Variants in PYGB observed in about 807,000 individuals in gnomAD.
PYGB encodes the protein glycogen phosphorylase, brain form.
PYGB carries 82 observed loss-of-function variants against 94.3 expected under a neutral mutation model. The ratio of observed to expected loss-of-function variants is 0.87; its 90% CI spans 0.73 to 1.04. The LOEUF is 1.04. Ranked by LOEUF, PYGB falls within the 50% of genes least tolerant of loss-of-function variation. The pLI, the probability that PYGB is intolerant of heterozygous loss-of-function variation, is 0.00. For synonymous variants in PYGB, 488 were observed against 479.1 expected (o/e 1.02, Z -0.24); for missense variants, 1,132 against 1,158.2 (o/e 0.98, Z 0.33).
At chr20:25,295,487 C>T (rs561568357) in intron 18 of PYGB, 117 bp from the exon 19 acceptor site, 32 of 1,219,980 alleles carry the variant, frequency 2.6e-5, no homozygotes, top group East Asian at 9.4e-5. Context: ...TGGGCCCCTT[C>T]GCTCCAGACA....
intron 19 of PYGB, 106 bp downstream of exon 19, chr20:25,295,776 C>T: frequency 7.7e-7 from 1 of 1,294,330 alleles, no homozygotes; most frequent in South Asian, 1.2e-5. Context: ...TTGGCCTGGG[C>T]CAGAGGGGTT....
At chr20:25,285,886 C>A (rs946405361) in intron 14 of PYGB, among the ~76,000 whole-genome samples, 8 of 152,178 alleles carry the variant, frequency 5.3e-5, no homozygotes, top group Non-Finnish European at 8.8e-5. Context: ...CACTTTGTGT[C>A]TAGTTCATGA....
At chr20:25,290,947 C>T (rs1352851093) in intron 16 of PYGB, among the ~76,000 whole-genome samples, 1 of 152,074 alleles carries the variant, frequency 6.6e-6, no homozygotes, top group Non-Finnish European at 1.5e-5. Context: ...GTGCCTTCTG[C>T]CCTGGGCCCC....
At chr20:25,275,815 C>A (rs1408418366) in intron 5 of PYGB, among the ~76,000 whole-genome samples, 1 of 151,790 alleles carries the variant, frequency 6.6e-6, no homozygotes, top group Non-Finnish European at 1.5e-5. Flanking sequence ...TTGGGTGTCG[C>A]CTTGTGGGGC....
chr20:25,296,820 C>T lies in PYGB; in HGVS notation c.*298C>T, dbSNP rs1380359116. 4 of 405,826 alleles carry T rather than the reference C, an allele frequency of 9.9e-6. No homozygotes were observed. Among genetic ancestry groups the T allele is most frequent in the Non-Finnish European group, 1.8e-5 (4 of 223,344 alleles). The allele number at this position is 405,826 out of a possible 1,614,324, so 25.1% of individuals were successfully genotyped here. A position where few individuals can be genotyped will look rare whatever the true frequency, so the allele number is the denominator to read the frequency against. Reference sequence around the variant, plus strand: ...AGTGGGAGTCAGGTGGAGCCACCTGCTGGGCTCCCCCAGAACTTTGCACAC... The same window carrying T: ...AGTGGGAGTCAGGTGGAGCCACCTGTTGGGCTCCCCCAGAACTTTGCACAC... On this transcript the variant is annotated 3_prime_UTR_variant, in exon 20 of 20. Coordinates refer to ENST00000216962, the MANE Select transcript of PYGB (RefSeq NM_002862.4).
rs1276450612 is a variant in PYGB, at chr20:25,295,038, A to G, written c.2313-566A>G. ...CCTGGGCCCTGCTGAGGTCTGTGAT[A>G]AAGGAAGTGCTTTTAAAATTGTGAA... On this transcript the variant is annotated intron_variant, in intron 18 of 19. Coordinates refer to ENST00000216962, the MANE Select transcript of PYGB (RefSeq NM_002862.4). 10 of 1,614,038 alleles carry G rather than the reference A, an allele frequency of 6.2e-6. No individual in the cohort carries two copies. Among genetic ancestry groups the G allele is most frequent in the African/African-American group, 1.3e-5 (1 of 74,946 alleles).
intron 5 of PYGB, 94 bp downstream of exon 5, chr20:25,274,817 G>A: frequency 1.3e-6 from 2 of 1,506,640 alleles, no homozygotes; most frequent in Non-Finnish European, 1.8e-6. Flanking sequence ...TTTGGCTTGG[G>A]GGGCTTGCTG....
At position 25,295,626 on chromosome 20, in the gene PYGB, G is replaced by A. The variant is rs1329630446; in HGVS notation, c.2335G>A (p.Glu779Lys). The change falls in exon 19 of 20, where the codon GAA becomes AAA. Residue 779 changes from glutamate (E) to lysine (K), a missense_variant. Transcript: ENST00000216962. The part of the protein sequence containing the change: ...HDRFKVFADY[E>K]AYMQCQAQVD... ...CAGGTTCAAGGTGTTTGCAGACTAT[G>A]AAGCCTACATGCAGTGCCAGGCACA... The A allele has an allele frequency of 6.2e-7, 1 of 1,613,972 alleles. No homozygotes were observed. The highest frequency in any genetic ancestry group is 1.6e-4 in the Middle Eastern group (1 of 6,082).
intron 17 of PYGB, 28 bp from the exon 18 acceptor site, chr20:25,294,130 T>C (rs771279816): frequency 1.2e-6 from 2 of 1,610,894 alleles, no homozygotes; most frequent in Non-Finnish European, 1.7e-6. Flanking sequence ...GGGCGCTGGC[T>C]GCTGACTCCT....
intron 8 of PYGB, 48 bp downstream of exon 8, chr20:25,278,510 T>C: frequency 6.2e-7 from 1 of 1,605,084 alleles, no homozygotes; most frequent in Non-Finnish European, 8.5e-7. Flanking sequence ...GCTGGGCGCC[T>C]TCAGGCTCTT....
intron 2 of PYGB, among the ~76,000 whole-genome samples, chr20:25,264,032 A>G (rs968845724): frequency 1.2e-4 from 19 of 152,254 alleles, no homozygotes; most frequent in Non-Finnish European, 2.5e-4. Context: ...AATCATAGTA[A>G]AATACTGGCA....
chr20:25,254,460 A>G (rs1344464296), intron 1 of PYGB, among the ~76,000 whole-genome samples: 5 of 152,212 alleles, frequency 3.3e-5, no homozygotes, highest in African/African-American at 1.2e-4. Context: ...TTTCTCACCC[A>G]TGCAGAATGG....
chr20:25,281,242 A>T, intron 11 of PYGB, 130 bp downstream of exon 11: 1 of 1,266,850 alleles, frequency 7.9e-7, no homozygotes, highest in South Asian at 1.5e-5. Flanking sequence ...CTGCCTCCAT[A>T]GGAATGACAG....
rs1333292504 is a variant in PYGB at position 25,288,443 on chromosome 20, C to T, written c.1787C>T (p.Ala596Val). 6.2e-7 allele frequency: 1 copy of T among 1,614,150 alleles called. No individual in the cohort carries two copies. Among genetic ancestry groups the T allele is most frequent in the South Asian group, 1.1e-5 (1 of 91,074 alleles). The change falls in exon 15 of 20, where the codon GCC (alanine) becomes GTC (valine). Residue 596 changes from alanine (A) to valine (V), a missense_variant. Transcript: ENST00000216962. ...TLYNRIKRDP[A>V]KAFVPRTVMI... is the part of the protein sequence containing the mutation. ...CCTGCAGGAATCAAGAGAGACCCGG[C>T]CAAGGCTTTTGTGCCCAGGACTGTT... is the stretch of plus-strand genomic sequence containing the variant.
chr20:25,257,903 A>T (rs946448733), intron 1 of PYGB, among the ~76,000 whole-genome samples: 1 of 152,140 alleles, frequency 6.6e-6, no homozygotes, highest in Non-Finnish European at 1.5e-5. Context: ...CCCATAGAAT[A>T]TTAAGTTCGT....
chr20:25,286,574 C>T (rs965569745), intron 14 of PYGB, among the ~76,000 whole-genome samples: 13 of 152,224 alleles, frequency 8.5e-5, no homozygotes, highest in South Asian at 4.1e-4. Context: ...TGGGGCTATT[C>T]GGAATAGGCT....
rs1333377542 is a variant in PYGB, at chr20:25,297,456, G to A, written c.*934G>A. ...TGCTGTGTCCTGAGGTGCATTTCCTGTTGTACACACAAGGGCCAGGCTCCA... is the reference window on the plus strand; with the variant it reads ...TGCTGTGTCCTGAGGTGCATTTCCTATTGTACACACAAGGGCCAGGCTCCA... On this transcript the variant is annotated 3_prime_UTR_variant, in exon 20 of 20. Coordinates refer to ENST00000216962, the MANE Select transcript of PYGB (RefSeq NM_002862.4). 3 of 152,418 alleles carry A rather than the reference G, an allele frequency of 2.0e-5. No individual in the cohort carries two copies. In the East Asian group the frequency reaches 5.8e-4, roughly 29 times the overall value. The allele number at this position is 152,418 out of a possible 1,614,324, so 9.4% of individuals were successfully genotyped here.
chr20:25,268,364 A>G (rs1311673096), intron 2 of PYGB, among the ~76,000 whole-genome samples: 1 of 150,688 alleles, frequency 6.6e-6, no homozygotes, highest in Admixed American at 6.6e-5. Context: ...TTCTCAATGG[A>G]TATTTTTTTG....
At chr20:25,262,327 A>T (rs918840558) in intron 2 of PYGB, among the ~76,000 whole-genome samples, 1 of 152,264 alleles carries the variant, frequency 6.6e-6, no homozygotes, top group Admixed American at 6.5e-5. Flanking sequence ...AATGTTCAGC[A>T]TTCTTAAAGA....
Sources: gnomAD v4.1 joint callset for allele counts (sites outside exome capture counted in the v4.1 genomes callset) on GRCh38, gnomAD v4.1.1 for gene constraint, MANE v1.5 for transcripts, NCBI Gene and HGNC (gene_info 2026-07-23, HGNC 2026-07-21) for gene names.